Variants in TTC21A observed in about 807,000 individuals in gnomAD.
TTC21A encodes the protein tetratricopeptide repeat protein 21A.
Under a neutral mutation model 156.4 loss-of-function variants are expected in TTC21A, and 128 were observed. The observed-to-expected ratio is 0.82, with a 90% CI of 0.71 to 0.95. The LOEUF is 0.95. TTC21A is among the 40% of genes least tolerant of loss of function. The pLI, the probability that TTC21A is intolerant of heterozygous loss-of-function variation, is 0.00. For missense variants in TTC21A, 1,435 were observed against 1,602.3 expected, an observed-to-expected ratio of 0.90 and a Z score of 1.78; for synonymous variants, 587 against 617.1, an observed-to-expected ratio of 0.95 and a Z score of 0.72.
intron 23 of TTC21A, 45 bp downstream of exon 23, chr3:39,136,552 C>T: frequency 6.3e-7 from 1 of 1,596,020 alleles, no homozygotes; most frequent in African/African-American, 1.3e-5. Context: ...GTGCAGGAAG[C>T]CCTACTGGCA....
At position 39,130,065 on chromosome 3, in the gene TTC21A, A is replaced by G; in HGVS notation, c.2136-14A>G. ...GCGAACCTGGGATAAGCTTTTGGTTACTCTTGCTTGCAGTGAGCTCTGTGA... is the reference window on the plus strand; with the variant it reads ...GCGAACCTGGGATAAGCTTTTGGTTGCTCTTGCTTGCAGTGAGCTCTGTGA... On this transcript the variant is annotated splice_polypyrimidine_tract_variant and intron_variant, in intron 15 of 28. Coordinates refer to ENST00000683103, the MANE Select transcript of TTC21A (RefSeq NM_001366900.1). This position sits in a 1 kb window ranked among gnomAD's most constrained non-coding sequence, Gnocchi z 4.5. The G allele has an allele frequency of 1.9e-6, 3 of 1,613,754 alleles. No homozygotes were observed. The highest frequency in any genetic ancestry group is 2.5e-6 in the Non-Finnish European group (3 of 1,179,890).
At chr3:39,123,023 G>T (rs2037898606) in intron 9 of TTC21A, among the ~76,000 whole-genome samples, 3 of 152,208 alleles carry the variant, frequency 2.0e-5, no homozygotes, top group African/African-American at 7.2e-5. Context: ...GGTTGGCCGA[G>T]TGGAACATGC....
In TTC21A at chr3:39,112,528, A is replaced by C; in HGVS notation, c.506A>C (p.Tyr169Ser). ...CACACTGCGAAGAAAGCCATTGAGT[A>C]CCTGGAACAAGGAATTCAGGACACC... ...KPHTAKKAIE[Y>S]LEQGIQDTKD... The change falls in exon 5 of 29, where the codon TAC becomes TCC. Residue 169 changes from tyrosine (Y) to serine (S), a missense_variant. Physicochemically the swap from Tyr to Ser is moderately radical, Grantham distance 144. Coordinates refer to ENST00000683103, the MANE Select transcript of TTC21A (RefSeq NM_001366900.1). The C allele has an allele frequency of 6.2e-7, 1 of 1,614,176 alleles. No individual in the cohort carries two copies. The highest frequency in any genetic ancestry group is 8.5e-7 in the Non-Finnish European group (1 of 1,180,028).
chr3:39,134,147 C>G lies in TTC21A; in HGVS notation c.2752-71C>G. 1.1e-6 allele frequency: 1 copy of G among 923,886 alleles called. No individual in the cohort carries two copies. Among genetic ancestry groups the G allele is most frequent in the Non-Finnish European group, 1.8e-6 (1 of 558,508 alleles). 57.2% of individuals were successfully genotyped at this position (923,886 alleles called of 1,614,324 possible). A position where few individuals can be genotyped will look rare whatever the true frequency, so the allele number is the denominator to read the frequency against. ...TAGAAGTGGGGTGTGAGGGAAAGAGCTGTCAAGGATAACCCCAGGGGTTTC... is the reference window on the plus strand; with the variant it reads ...TAGAAGTGGGGTGTGAGGGAAAGAGGTGTCAAGGATAACCCCAGGGGTTTC... On this transcript the variant is annotated intron_variant, in intron 20 of 28. Transcript: ENST00000683103. This position sits in a 1 kb window ranked among gnomAD's most constrained non-coding sequence, Gnocchi z 4.6.
intron 8 of TTC21A, among the ~76,000 whole-genome samples, chr3:39,120,468 G>T (rs1180008064): frequency 1.3e-5 from 2 of 152,196 alleles, no homozygotes; most frequent in Non-Finnish European, 2.9e-5. Flanking sequence ...AGACCAGGTT[G>T]CCAACAAATC....
At chr3:39,123,675 A>G (rs1270902466) in intron 9 of TTC21A, among the ~76,000 whole-genome samples, 1 of 149,654 alleles carries the variant, frequency 6.7e-6, no homozygotes, top group African/African-American at 2.4e-5. Context: ...GTGGCTCTAC[A>G]TGGAAAAAAA....
intron 12 of TTC21A, among the ~76,000 whole-genome samples, 175 bp from the exon 13 acceptor site, chr3:39,128,156 G>A (rs1424300924): frequency 2.0e-5 from 3 of 152,314 alleles, no homozygotes; most frequent in Middle Eastern, 3.4e-3. Context: ...GGAAACAACT[G>A]TGTAGTCTTA....
rs1389378023 is a variant in TTC21A at position 39,129,074 on chromosome 3, T to C, written c.1899T>C (p.His633=). ...TCTGTTTGATTCCCATGTTTTAGCA[T>C]GAGGCCACCAAGGTCATGCAGGACA... ...VEALRLNGEL[H]EATKVMQDTI... Residue 633 remains histidine, a splice_region_variant and synonymous_variant, in exon 15 of 29, where the codon CAT becomes CAC. Transcript: ENST00000683103. 3.1e-6 allele frequency: 5 copies of C among 1,614,072 alleles called. No homozygotes were observed. In the East Asian group the frequency reaches 1.1e-4, roughly 36 times the overall value.
intron 13 of TTC21A, 94 bp from the exon 14 acceptor site, chr3:39,128,623 G>A: frequency 2.6e-6 from 4 of 1,560,760 alleles, no homozygotes; most frequent in South Asian, 1.2e-5. Flanking sequence ...GGTAGGCTCA[G>A]TGGGCTCCTG....
Position 39,115,415 on chromosome 3 carries a change from C to T in TTC21A, c.716+673C>T, listed in dbSNP as rs147036098. Among the ~76,000 whole-genome samples, 1,018 of 152,196 alleles carry T rather than the reference C, an allele frequency of 6.7e-3. 14 individuals are homozygous for T. The highest frequency in any genetic ancestry group is 0.022 in the African/African-American group (913 of 41,522). ...GTGGCTCATGCCTGTAATCCCAACA[C>T]TTTGGGAGGCCGAGGCAGGAGGATT... is the stretch of plus-strand genomic sequence containing the variant. On this transcript the variant is annotated intron_variant, in intron 6 of 28. Transcript: ENST00000683103.
chr3:39,130,498 G>C lies in TTC21A; in HGVS notation c.2319+140G>C, dbSNP rs1280855235. The C allele has an allele frequency of 1.1e-6, 1 of 937,428 alleles. No individual in the cohort carries two copies. The highest frequency in any genetic ancestry group is 2.5e-5 in the East Asian group (1 of 40,270). 58.1% of individuals were successfully genotyped at this position (937,428 alleles called of 1,614,324 possible). The stretch of plus-strand genomic sequence containing the variant: ...AGCTCCTTGCTGAATGGGGTGCCAA[G>C]GGGAGAACTCAGCAACTCTCTGCTG... On this transcript the variant is annotated intron_variant, in intron 17 of 28. Coordinates refer to ENST00000683103, the MANE Select transcript of TTC21A (RefSeq NM_001366900.1). This position sits in a 1 kb window ranked among gnomAD's most constrained non-coding sequence, Gnocchi z 4.5.
In TTC21A at chr3:39,138,357, A is replaced by G. The variant is rs370770808; in HGVS notation, c.3766A>G (p.Lys1256Glu). The change falls in exon 27 of 29, where the codon AAG becomes GAG. Residue 1256 changes from lysine (K) to glutamate (E), a missense_variant. Lys to Glu is a moderately conservative substitution (Grantham distance 56). Transcript: ENST00000683103. ...DAVTNYKLAWKYSHHANPAIG... is the reference protein window; with the variant it reads ...DAVTNYKLAWEYSHHANPAIG... Reference sequence around the variant, plus strand: ...AGTCACCAACTACAAACTGGCCTGGAAGTACAGTCATCACGCCAACCCTGC... The same window carrying G: ...AGTCACCAACTACAAACTGGCCTGGGAGTACAGTCATCACGCCAACCCTGC... 1.9e-5 allele frequency: 30 copies of G among 1,613,982 alleles called. 1 individual carries two copies. The East Asian group carries it at 2.2e-4, about 12-fold the overall frequency.
intron 2 of TTC21A, 133 bp downstream of exon 2, chr3:39,109,347 C>A: frequency 3.0e-6 from 3 of 1,006,066 alleles, no homozygotes; most frequent in Non-Finnish European, 2.9e-6. Flanking sequence ...CGGCTGGATT[C>A]CCACGGGAAT....
rs760315832 is a variant in TTC21A, at chr3:39,130,061, G to C, written c.2136-18G>C. ...GTGTGCGAACCTGGGATAAGCTTTT[G>C]GTTACTCTTGCTTGCAGTGAGCTCT... On this transcript the variant is annotated intron_variant, in intron 15 of 28. Coordinates refer to ENST00000683103, the MANE Select transcript of TTC21A (RefSeq NM_001366900.1). This position sits in a 1 kb window ranked among gnomAD's most constrained non-coding sequence, Gnocchi z 4.5. 5.6e-6 allele frequency: 9 copies of C among 1,613,586 alleles called. No homozygotes were observed. Among genetic ancestry groups the C allele is most frequent in the Non-Finnish European group, 6.8e-6 (8 of 1,179,832 alleles).
At chr3:39,136,219 G>A in intron 22 of TTC21A, 138 bp from the exon 23 acceptor site, 2 of 788,076 alleles carry the variant, frequency 2.5e-6, no homozygotes, top group South Asian at 3.5e-5. Flanking sequence ...GGAGACCAGT[G>A]GAGACTCTGG....
chr3:39,110,825 C>T, intron 3 of TTC21A, 26 bp from the exon 4 acceptor site: 1 of 1,612,968 alleles, frequency 6.2e-7, no homozygotes, highest in Middle Eastern at 1.8e-4. Flanking sequence ...CTAACTCTCC[C>T]TCTTCCTTCG....
intron 9 of TTC21A, among the ~76,000 whole-genome samples, chr3:39,121,618 T>C (rs2037774307): frequency 6.6e-6 from 1 of 152,240 alleles, no homozygotes; most frequent in South Asian, 2.1e-4. Flanking sequence ...AAAGAGTAGC[T>C]CTGAGAATTA....
At chr3:39,108,160 G>A in intron 1 of TTC21A, 3 of 560,186 alleles carry the variant, frequency 5.4e-6, no homozygotes, top group Admixed American at 3.4e-5. Flanking sequence ...TCTCGCCTGC[G>A]CCTCCCACCC....
chr3:39,108,114 C>T (rs2125724792), intron 1 of TTC21A: 2 of 584,862 alleles, frequency 3.4e-6, no homozygotes, highest in Admixed American at 6.2e-5. Flanking sequence ...TATCATTATC[C>T]CTTCTTGTCA....
Sources: allele counts gnomAD v4.1 joint callset (sites outside exome capture counted in the v4.1 genomes callset), GRCh38; gene constraint gnomAD v4.1.1; non-coding constraint Gnocchi (gnomAD v3.1); transcripts MANE v1.5; gene names NCBI Gene and HGNC (gene_info 2026-07-23, HGNC 2026-07-21).